MRAP2: variants seen among roughly 807,000 people sequenced by gnomAD.
The protein encoded by MRAP2 is melanocortin 2 receptor accessory protein 2, also known as melanocortin-2 receptor accessory protein 2.
MRAP2 carries 20 observed loss-of-function variants against 17.4 expected under a neutral mutation model. The observed-to-expected ratio is 1.15, with a 90% CI of 0.81 to 1.67. MRAP2 has a LOEUF of 1.67. MRAP2 is among the 40% of genes most tolerant of loss of function. MRAP2 has a pLI of 0.00. For missense variants in MRAP2, 238 were observed against 240.0 expected (o/e 0.99, Z 0.05); for synonymous variants, 96 against 88.4 (o/e 1.09, Z -0.48).
intron 3 of MRAP2, among the ~76,000 whole-genome samples, chr6:84,086,076 C>T (rs1410224098): frequency 6.6e-6 from 1 of 152,102 alleles, no homozygotes; most frequent in African/African-American, 2.4e-5. Context: ...TTCTGGAGAC[C>T]ATTTATGTCA....
chr6:84,045,624 G>A (rs1358036702), intron 1 of MRAP2, among the ~76,000 whole-genome samples: 17 of 152,090 alleles, frequency 1.1e-4, no homozygotes, highest in African/African-American at 4.1e-4. Flanking sequence ...TTAGCTGGGC[G>A]TGGTAGTGCA....
At chr6:84,142,169 A>G in the MRAP2 span, among the ~76,000 whole-genome samples, 1 of 152,236 alleles carries the variant, frequency 6.6e-6, no homozygotes, top group Non-Finnish European at 1.5e-5. Context: ...CCTCCATAAG[A>G]TTATCTGCAA....
At chr6:84,059,923 C>T (rs1320629544) in intron 2 of MRAP2, among the ~76,000 whole-genome samples, 1 of 152,144 alleles carries the variant, frequency 6.6e-6, no homozygotes, top group Non-Finnish European at 1.5e-5. Context: ...TGCCTATGCC[C>T]ATGAAACTTA....
the MRAP2 span, among the ~76,000 whole-genome samples, chr6:84,135,634 G>A: frequency 1.3e-5 from 2 of 152,126 alleles, no homozygotes; most frequent in African/African-American, 2.4e-5. Flanking sequence ...AGGCTGAGAC[G>A]GGTGAATCAC....
chr6:84,072,117 C>G (rs1173134887), intron 3 of MRAP2, among the ~76,000 whole-genome samples: 1 of 152,050 alleles, frequency 6.6e-6, no homozygotes, highest in Non-Finnish European at 1.5e-5. Flanking sequence ...TGCTGGTGAA[C>G]TAGTATGATT....
At chr6:84,136,613 G>C in the MRAP2 span, among the ~76,000 whole-genome samples, 1 of 152,136 alleles carries the variant, frequency 6.6e-6, no homozygotes, top group African/African-American at 2.4e-5. Flanking sequence ...CTGTCCCACT[G>C]GTTAGAATGT....
downstream of MRAP2, among the ~76,000 whole-genome samples, chr6:84,094,667 G>A (rs1266669474): frequency 6.6e-6 from 1 of 151,748 alleles, no homozygotes; most frequent in African/African-American, 2.4e-5. Flanking sequence ...CCAATAGTCT[G>A]TTCATGATGA....
chr6:84,114,508 A>T, the MRAP2 span, among the ~76,000 whole-genome samples: 1 of 152,016 alleles, frequency 6.6e-6, no homozygotes, highest in East Asian at 1.9e-4. Flanking sequence ...GCTTCCTTGC[A>T]TTGGGTTAGA....
intron 3 of MRAP2, among the ~76,000 whole-genome samples, chr6:84,068,558 C>T (rs2099495342): frequency 6.6e-6 from 1 of 151,990 alleles, no homozygotes. Context: ...TCTATGATTT[C>T]TTTCAGCAGT....
At chr6:84,068,784 CTTTTTTTT>C (rs34220070) in intron 3 of MRAP2, among the ~76,000 whole-genome samples, 36 of 55,198 alleles carry the variant, frequency 6.5e-4, no homozygotes, top group African/African-American at 1.2e-3. Flanking sequence ...TTGCTGAATT[CTTTTTTTT>C]TTTTTTTTTT....
chr6:84,110,849 A>G, the MRAP2 span, among the ~76,000 whole-genome samples: 1 of 152,218 alleles, frequency 6.6e-6, no homozygotes, highest in Non-Finnish European at 1.5e-5. Flanking sequence ...ACCATTTATT[A>G]AACAGGGAAT....
At chr6:84,062,857 T>C (rs780544142) in intron 2 of MRAP2, 36 bp from the exon 3 acceptor site, 3 of 1,613,406 alleles carry the variant, frequency 1.9e-6, no homozygotes, top group African/African-American at 1.3e-5. Flanking sequence ...TTTAAACTAC[T>C]GTGAAATACT....
At chr6:84,093,086 C>T (rs2099502043), downstream of MRAP2, among the ~76,000 whole-genome samples, 1 of 152,092 alleles carries the variant, frequency 6.6e-6, no homozygotes, top group Admixed American at 6.6e-5. Context: ...TTTTATCAGC[C>T]TTTTTTTCTG....
chr6:84,040,100 C>A (rs1425700454), intron 1 of MRAP2, among the ~76,000 whole-genome samples: 1 of 152,152 alleles, frequency 6.6e-6, no homozygotes, highest in Non-Finnish European at 1.5e-5. Flanking sequence ...GTGGGAGGGA[C>A]CCACTGGGAG....
At chr6:84,081,097 C>G (rs1309168855) in intron 3 of MRAP2, among the ~76,000 whole-genome samples, 1 of 152,166 alleles carries the variant, frequency 6.6e-6, no homozygotes, top group African/African-American at 2.4e-5. Flanking sequence ...GGGATGTTGA[C>G]AAAGTCACCC....
the MRAP2 span, among the ~76,000 whole-genome samples, chr6:84,137,337 G>T: frequency 5.3e-5 from 8 of 152,088 alleles, no homozygotes; most frequent in Admixed American, 3.3e-4. Context: ...GGCAAGTCAA[G>T]AATTTAAACC....
intron 3 of MRAP2, among the ~76,000 whole-genome samples, chr6:84,063,920 C>T (rs2099493820): frequency 6.6e-6 from 1 of 151,866 alleles, no homozygotes; most frequent in Non-Finnish European, 1.5e-5. Flanking sequence ...TGGAGGGCAC[C>T]TATAGTCCTA....
chr6:84,058,434 G>A (rs896045544), intron 2 of MRAP2, among the ~76,000 whole-genome samples: 16 of 152,220 alleles, frequency 1.1e-4, no homozygotes, highest in Admixed American at 7.9e-4. Context: ...GGATGGAATT[G>A]CCTTTAACTG....
the MRAP2 span, among the ~76,000 whole-genome samples, chr6:84,140,707 T>C: frequency 6.6e-6 from 1 of 152,058 alleles, no homozygotes; most frequent in African/African-American, 2.4e-5. Flanking sequence ...GTATTTTTTA[T>C]AGAGATGATG....
Sources: allele counts gnomAD v4.1 joint callset (sites outside exome capture counted in the v4.1 genomes callset), GRCh38; gene constraint gnomAD v4.1.1; transcripts MANE v1.5; gene names NCBI Gene and HGNC (gene_info 2026-07-23, HGNC 2026-07-21).